FBXL17: variants seen among roughly 807,000 people sequenced by gnomAD.
FBXL17 encodes the protein F-box and leucine rich repeat protein 17.
In FBXL17, 22 loss-of-function variants were observed where a neutral mutation model predicts 66.2. The ratio of observed to expected loss-of-function variants is 0.33; its 90% CI spans 0.24 to 0.47. The LOEUF (loss-of-function observed/expected upper bound fraction) is 0.47, where lower values mean the gene tolerates loss of function less well. Among genes scored for constraint, FBXL17 ranks in the 20% least tolerant of loss-of-function variants. FBXL17 has a pLI of 1.00. For synonymous variants in FBXL17, 474 were observed against 400.5 expected, an observed-to-expected ratio of 1.18 and a Z score of -2.19; for missense variants, 878 against 948.2, an observed-to-expected ratio of 0.93 and a Z score of 0.97.
rs76304566 is a variant in FBXL17, at chr5:108,264,376, T to A, written c.1507-40148A>T. Among the ~76,000 whole-genome samples, 122 of 152,162 alleles carry A rather than the reference T, an allele frequency of 8.0e-4. 3 individuals carry two copies. In the East Asian group the frequency reaches 0.021, roughly 26 times the overall value. The stretch of plus-strand genomic sequence containing the variant: ...AACACTGAAAGAGTTAGGTGCTCTG[T>A]CCCAAGTGGTCAAAAGATAAAGAGA... On this transcript the variant is annotated intron_variant, in intron 4 of 8. Coordinates refer to ENST00000542267, the MANE Select transcript of FBXL17 (RefSeq NM_001163315.3).
At chr5:108,051,192 T>C (rs761097379) in intron 6 of FBXL17, among the ~76,000 whole-genome samples, 2 of 152,174 alleles carry the variant, frequency 1.3e-5, no homozygotes, top group Non-Finnish European at 2.9e-5. Context: ...TCTGAAACTA[T>C]TCCAAACAAT....
intron 5 of FBXL17, among the ~76,000 whole-genome samples, chr5:108,206,630 T>C (rs1243273597): frequency 6.6e-6 from 1 of 152,120 alleles, no homozygotes; most frequent in African/African-American, 2.4e-5. Context: ...ACAGAACTCT[T>C]TTTTTTATCT....
At chr5:108,097,832 T>G (rs774225027) in intron 6 of FBXL17, among the ~76,000 whole-genome samples, 3 of 151,902 alleles carry the variant, frequency 2.0e-5, no homozygotes, top group Non-Finnish European at 2.9e-5. Context: ...CCTGACTACC[T>G]AGTGTCTCTC....
Position 108,132,393 on chromosome 5 carries a change from G to C in FBXL17, c.1745+53724C>G, listed in dbSNP as rs575793252. 1.2e-4 allele frequency among the ~76,000 whole-genome samples: 18 copies of C among 152,260 alleles called. No individual in the cohort carries two copies. The South Asian group carries it at 1.5e-3, about 12-fold the overall frequency. On this transcript the variant is annotated intron_variant, in intron 6 of 8. Coordinates refer to ENST00000542267, the MANE Select transcript of FBXL17 (RefSeq NM_001163315.3). Reference sequence around the variant, plus strand: ...AGACCAAAATCTGTGTTTGTTATTAGTGTTATATATAAAAGAACAGAAACC... The same window carrying C: ...AGACCAAAATCTGTGTTTGTTATTACTGTTATATATAAAAGAACAGAAACC...
At chr5:107,915,832 C>G (rs1386610776) in intron 7 of FBXL17, among the ~76,000 whole-genome samples, 1 of 152,170 alleles carries the variant, frequency 6.6e-6, no homozygotes, top group Admixed American at 6.5e-5. Context: ...CTGCTGTTCC[C>G]CCTGTCTGTG....
rs1748047902 is a variant in FBXL17, at chr5:107,859,041, T to C, written c.*2679A>G. The stretch of plus-strand genomic sequence containing the variant: ...TAAAACAAAAGACACAGTGTTTTGT[T>C]TCTCTTTTATTGCAACCCACTGCAA... On this transcript the variant is annotated 3_prime_UTR_variant, in exon 9 of 9. Transcript: ENST00000542267. 1 of 152,212 alleles carries C rather than the reference T, an allele frequency of 6.6e-6. No individual in the cohort carries two copies. Among genetic ancestry groups the C allele is most frequent in the Admixed American group, 6.5e-5 (1 of 15,288 alleles). 9.4% of individuals were successfully genotyped at this position (152,212 alleles called of 1,614,324 possible).
chr5:108,376,305 G>T (rs374595644), intron 1 of FBXL17, among the ~76,000 whole-genome samples: 5 of 152,086 alleles, frequency 3.3e-5, no homozygotes, highest in African/African-American at 1.2e-4. Flanking sequence ...TAAACAAAAG[G>T]CATCCAGATT....
chr5:108,064,883 T>C (rs900815409), intron 6 of FBXL17, among the ~76,000 whole-genome samples: 6 of 152,148 alleles, frequency 3.9e-5, no homozygotes, highest in African/African-American at 1.4e-4. Context: ...TGCAGCTTCC[T>C]TCCAGCAGAG....
intron 4 of FBXL17, among the ~76,000 whole-genome samples, chr5:108,260,199 T>C (rs1165806916): frequency 1.3e-5 from 2 of 152,094 alleles, no homozygotes; most frequent in Admixed American, 1.3e-4. Flanking sequence ...GACTAGTTGT[T>C]AATGTCAGCA....
chr5:108,270,761 AG>A (rs1757235212), intron 4 of FBXL17, among the ~76,000 whole-genome samples: 1 of 152,104 alleles, frequency 6.6e-6, no homozygotes, highest in Admixed American at 6.5e-5. Flanking sequence ...TATTATGAGA[AG>A]GGGGACAGTT....
chr5:108,355,221 T>C (rs188336314), intron 3 of FBXL17, among the ~76,000 whole-genome samples: 6 of 151,946 alleles, frequency 3.9e-5, no homozygotes, highest in Admixed American at 6.6e-5. Context: ...TGCTTATATA[T>C]GTGAAGTAAA....
At chr5:108,215,319 T>A (rs1350975088) in intron 5 of FBXL17, among the ~76,000 whole-genome samples, 2 of 152,224 alleles carry the variant, frequency 1.3e-5, no homozygotes, top group African/African-American at 4.8e-5. Flanking sequence ...TAATTTTATA[T>A]CCCCACCATT....
chr5:108,143,480 A>G (rs2149988851), intron 6 of FBXL17, among the ~76,000 whole-genome samples: 1 of 152,260 alleles, frequency 6.6e-6, no homozygotes, highest in Middle Eastern at 3.4e-3. Context: ...ATTTTCTACA[A>G]CAGATGTTTG....
chr5:108,147,214 AG>A (rs1751594948), intron 6 of FBXL17, among the ~76,000 whole-genome samples: 1 of 152,212 alleles, frequency 6.6e-6, no homozygotes, highest in Non-Finnish European at 1.5e-5. Flanking sequence ...GCAAGAACTC[AG>A]AGTTTTCCCA....
chr5:108,333,924 G>T (rs141459571), intron 4 of FBXL17, among the ~76,000 whole-genome samples: 30 of 152,216 alleles, frequency 2.0e-4, no homozygotes, highest in African/African-American at 6.0e-4. Context: ...CCTGCTACGT[G>T]CCAAGCTCAG....
intron 2 of FBXL17, among the ~76,000 whole-genome samples, chr5:108,365,508 G>C (rs898301242): frequency 6.6e-6 from 1 of 152,100 alleles, no homozygotes; most frequent in Non-Finnish European, 1.5e-5. Flanking sequence ...CCCATACCTT[G>C]CCTTCTGCAT....
At chr5:108,104,422 G>T (rs1004783893) in intron 6 of FBXL17, among the ~76,000 whole-genome samples, 66 of 152,312 alleles carry the variant, frequency 4.3e-4, no homozygotes, top group Non-Finnish European at 1.0e-4. Flanking sequence ...AAATAAAGAA[G>T]TCAATCCTCT....
Position 108,114,245 on chromosome 5 carries a change from T to C in FBXL17, c.1745+71872A>G, listed in dbSNP as rs139998456. Among the ~76,000 whole-genome samples the C allele has an allele frequency of 4.5e-3, 688 of 152,312 alleles. 6 individuals carry two copies. Among genetic ancestry groups the C allele is most frequent in the African/African-American group, 0.016 (658 of 41,572 alleles). On this transcript the variant is annotated intron_variant, in intron 6 of 8. Transcript: ENST00000542267. ...TCCAGTTCCCAGAACTTTACAATTG[T>C]TTATTTATTGTGCATAGTAACCATT...
intron 7 of FBXL17, among the ~76,000 whole-genome samples, chr5:107,999,624 TA>T (rs1753636368): frequency 6.6e-6 from 1 of 151,238 alleles, no homozygotes; most frequent in South Asian, 2.1e-4. Context: ...CTCATATTTC[TA>T]AATAACACAT....
Sources: gnomAD v4.1 joint callset for allele counts (sites outside exome capture counted in the v4.1 genomes callset) on GRCh38, gnomAD v4.1.1 for gene constraint, MANE v1.5 for transcripts, NCBI Gene and HGNC (gene_info 2026-07-23, HGNC 2026-07-21) for gene names.